Variants in BBS9 observed in about 807,000 individuals in gnomAD.
BBS9 encodes the protein Bardet-Biedl syndrome 9.
Under a neutral mutation model 117.7 loss-of-function variants are expected in BBS9, and 89 were observed. That is an observed-to-expected ratio of 0.76 (90% CI 0.64 to 0.90). The LOEUF (loss-of-function observed/expected upper bound fraction) is 0.90. BBS9 is among the 40% of genes least tolerant of loss of function. The pLI, the probability that BBS9 is intolerant of heterozygous loss-of-function variation, is 0.00. For synonymous variants in BBS9, 379 were observed against 370.9 expected (o/e 1.02, Z -0.25); for missense variants, 982 against 1,042.2 (o/e 0.94, Z 0.80).
intron 20 of BBS9, among the ~76,000 whole-genome samples, chr7:33,530,952 AC>A (rs775395544): frequency 1.7e-4 from 26 of 152,164 alleles, no homozygotes; most frequent in Non-Finnish European, 3.7e-4. Context: ...GATCTGAAGA[AC>A]CAACTGCAGG....
intron 20 of BBS9, 166 bp from the exon 21 acceptor site, chr7:33,533,788 A>G (rs1850945324): frequency 6.7e-6 from 5 of 743,272 alleles, no homozygotes. Context: ...AACAGGTGAC[A>G]GAGCCAGAAT....
intron 21 of BBS9, among the ~76,000 whole-genome samples, chr7:33,553,087 G>A (rs950866449): frequency 2.6e-5 from 4 of 152,038 alleles, no homozygotes; most frequent in South Asian, 2.1e-4. Context: ...TCCTGTACCC[G>A]CCCCACACTG....
intron 5 of BBS9, among the ~76,000 whole-genome samples, chr7:33,246,288 CT>C (rs1460170736): frequency 6.7e-6 from 1 of 148,830 alleles, no homozygotes; most frequent in Admixed American, 6.7e-5. Flanking sequence ...AATTTCCTGG[CT>C]TTAGTTGTTT....
intron 21 of BBS9, among the ~76,000 whole-genome samples, chr7:33,552,567 A>C (rs1479687695): frequency 1.3e-5 from 2 of 152,180 alleles, no homozygotes; most frequent in African/African-American, 4.8e-5. Context: ...AAAATTAATT[A>C]TAAAACTACC....
chr7:33,345,731 G>C (rs936220266), intron 12 of BBS9, among the ~76,000 whole-genome samples: 2 of 152,080 alleles, frequency 1.3e-5, no homozygotes, highest in Admixed American at 6.6e-5. Flanking sequence ...AATAACTGTC[G>C]AGTTCCAGGA....
chr7:33,330,800 G>T (rs1010718495), intron 9 of BBS9, among the ~76,000 whole-genome samples: 11 of 152,106 alleles, frequency 7.2e-5, no homozygotes, highest in Non-Finnish European at 1.0e-4. Context: ...CATTATTCTA[G>T]TGACTTAGCT....
At chr7:33,312,713 A>G (rs1427444873) in intron 9 of BBS9, among the ~76,000 whole-genome samples, 1 of 152,146 alleles carries the variant, frequency 6.6e-6, no homozygotes, top group Non-Finnish European at 1.5e-5. Context: ...ACTTTTTCAG[A>G]ATGACCTCCC....
chr7:33,178,876 A>C (rs1012043202), intron 5 of BBS9, among the ~76,000 whole-genome samples: 1 of 152,140 alleles, frequency 6.6e-6, no homozygotes, highest in Non-Finnish European at 1.5e-5. Flanking sequence ...TGATGTGCAA[A>C]TAAATATTTT....
intron 19 of BBS9, among the ~76,000 whole-genome samples, chr7:33,421,256 G>A (rs1832818544): frequency 6.6e-6 from 1 of 151,782 alleles, no homozygotes; most frequent in East Asian, 1.9e-4. Context: ...AATTTACAGC[G>A]ACTTTTACAT....
At position 33,413,583 on chromosome 7, in the gene BBS9, A is replaced by T. The variant is rs116112699; in HGVS notation, c.2115+25439A>T. 3.3e-3 allele frequency among the ~76,000 whole-genome samples: 506 copies of T among 152,258 alleles called. 2 individuals carry two copies. Among genetic ancestry groups the T allele is most frequent in the African/African-American group, 0.012 (487 of 41,558 alleles). On this transcript the variant is annotated intron_variant, in intron 19 of 22. Coordinates refer to ENST00000242067, the MANE Select transcript of BBS9 (RefSeq NM_198428.3). ...GCATCTTATGGGGTTTGCCAACAGA[A>T]TGTGCCTTCCTTCATGGTCTTGTCT...
At chr7:33,589,273 G>A (rs1049490793) in intron 21 of BBS9, among the ~76,000 whole-genome samples, 2 of 152,248 alleles carry the variant, frequency 1.3e-5, no homozygotes, top group Admixed American at 6.5e-5. Flanking sequence ...GCATGGATGT[G>A]CTGAACAAAG....
chr7:33,194,360 C>T (rs1368511898), intron 5 of BBS9, among the ~76,000 whole-genome samples: 2 of 152,122 alleles, frequency 1.3e-5, no homozygotes, highest in Admixed American at 6.5e-5. Flanking sequence ...AAGTCCAGCC[C>T]TGAAGATTCT....
At chr7:33,620,519 A>G (rs1194747026) in intron 21 of BBS9, among the ~76,000 whole-genome samples, 1 of 152,116 alleles carries the variant, frequency 6.6e-6, no homozygotes, top group African/African-American at 2.4e-5. Context: ...AAAAAATATC[A>G]GGAATAAATT....
chr7:33,171,349 G>T (rs1038010560), intron 4 of BBS9, among the ~76,000 whole-genome samples: 1 of 152,030 alleles, frequency 6.6e-6, no homozygotes. Context: ...AACAAGCAGT[G>T]GGGAAAGGAT....
intron 20 of BBS9, among the ~76,000 whole-genome samples, chr7:33,506,340 C>T (rs185592252): frequency 2.6e-5 from 4 of 152,142 alleles, no homozygotes; most frequent in African/African-American, 9.6e-5. Context: ...AATTAGAGAC[C>T]GTTGAACTTA....
intron 19 of BBS9, among the ~76,000 whole-genome samples, chr7:33,394,411 G>A (rs1827600595): frequency 6.6e-6 from 1 of 152,038 alleles, no homozygotes; most frequent in Non-Finnish European, 1.5e-5. Context: ...AGGGTGGAGG[G>A]TAGGAGGAGG....
chr7:33,349,218 A>T (rs548817285), intron 13 of BBS9, 48 bp downstream of exon 13: 1 of 1,328,054 alleles, frequency 7.5e-7, no homozygotes, highest in Non-Finnish European at 1.1e-6. Context: ...TGAATTTTTT[A>T]AAAATACTAG....
chr7:33,131,446 A>C (rs1789600550), intron 1 of BBS9, among the ~76,000 whole-genome samples: 1 of 152,230 alleles, frequency 6.6e-6, no homozygotes, highest in African/African-American at 2.4e-5. Context: ...AAATTCCAAC[A>C]GTGAGCCCTT....
chr7:33,372,280 G>C (rs568054447), intron 17 of BBS9, among the ~76,000 whole-genome samples: 3 of 152,252 alleles, frequency 2.0e-5, no homozygotes, highest in Non-Finnish European at 4.4e-5. Context: ...AGGTATCACA[G>C]TTGTGGATAT....
Sources: gnomAD v4.1 joint callset for allele counts (sites outside exome capture counted in the v4.1 genomes callset) on GRCh38, gnomAD v4.1.1 for gene constraint, MANE v1.5 for transcripts, NCBI Gene and HGNC (gene_info 2026-07-23, HGNC 2026-07-21) for gene names.